Variants in EIF4E observed in about 807,000 individuals in gnomAD.
EIF4E encodes eIF-4F 25 kDa subunit.
For synonymous variants in EIF4E, 71 were observed against 88.5 expected, an observed-to-expected ratio of 0.80 and a Z score of 1.11; for missense variants, 113 against 265.6, an observed-to-expected ratio of 0.43 and a Z score of 3.99.
chr4:98,880,084 T>C lies in EIF4E; in HGVS notation c.*944A>G, dbSNP rs570420111. The C allele has an allele frequency of 1.3e-5, 2 of 152,678 alleles. No individual in the cohort carries two copies. The highest frequency in any genetic ancestry group is 1.9e-4 in the East Asian group (1 of 5,184). The allele number at this position is 152,678 out of a possible 1,614,324, so 9.5% of individuals were successfully genotyped here. Reference sequence around the variant, plus strand: ...TCTAAAAGACAATTCACTGTACACATTTTATTTACAGTTTTGTACACTGTC... The same window carrying C: ...TCTAAAAGACAATTCACTGTACACACTTTATTTACAGTTTTGTACACTGTC... On this transcript the variant is annotated 3_prime_UTR_variant, in exon 7 of 7. Transcript: ENST00000450253.
intron 2 of EIF4E, among the ~76,000 whole-genome samples, chr4:98,892,328 C>CA (rs1724178400): frequency 2.0e-5 from 1 of 50,104 alleles, no homozygotes; most frequent in South Asian, 4.3e-4. Context: ...TCTCAAAAAA[C>CA]AAAAAAACAA....
At chr4:98,881,942 G>T (rs1389595864) in intron 6 of EIF4E, among the ~76,000 whole-genome samples, 1 of 152,032 alleles carries the variant, frequency 6.6e-6, no homozygotes, top group Non-Finnish European at 1.5e-5. Context: ...TAAATATCAC[G>T]AGGTCAAAAG....
chr4:98,912,898 C>T (rs1349248124), intron 1 of EIF4E, among the ~76,000 whole-genome samples: 1 of 152,074 alleles, frequency 6.6e-6, no homozygotes, highest in Admixed American at 6.5e-5. Context: ...AACAAATGAG[C>T]AGTTACTGTT....
Position 98,881,136 on chromosome 4 carries a change from T to A in EIF4E, c.546A>T (p.Val182=), listed in dbSNP as rs1441022560. 3.1e-6 allele frequency: 5 copies of A among 1,611,332 alleles called. No individual in the cohort carries two copies. The Middle Eastern group carries it at 6.6e-4, about 213-fold the overall frequency. ...GAGGAAGTCCTAACCTTTCCTTGTA[T>A]ACCCTCCTAGAAGAAAAAAAAAAAG... The part of the protein sequence containing the change: ...NREAVTHIGR[V]YKERLGLPPK... The change falls in exon 7 of 7, where the codon GTA becomes GTT. Residue 182 remains valine, a synonymous_variant. Transcript: ENST00000450253.
intron 1 of EIF4E, among the ~76,000 whole-genome samples, chr4:98,917,959 C>T (rs1049217187): frequency 2.0e-5 from 3 of 151,994 alleles, no homozygotes; most frequent in African/African-American, 7.3e-5. Flanking sequence ...ACCTGTATTC[C>T]TAGCTACTTG....
intron 1 of EIF4E, among the ~76,000 whole-genome samples, chr4:98,905,529 T>C (rs563605168): frequency 1.3e-5 from 2 of 152,064 alleles, no homozygotes; most frequent in Admixed American, 1.3e-4. Flanking sequence ...TAGGTTGGAG[T>C]GAGACTGTTA....
At chr4:98,889,361 T>C (rs1439278791) in intron 3 of EIF4E, among the ~76,000 whole-genome samples, 1 of 152,142 alleles carries the variant, frequency 6.6e-6, no homozygotes, top group African/African-American at 2.4e-5. Context: ...GACTATAAAA[T>C]TAGCGCTACT....
chr4:98,909,184 A>G (rs1725003515), intron 1 of EIF4E, among the ~76,000 whole-genome samples: 2 of 152,230 alleles, frequency 1.3e-5, no homozygotes, highest in South Asian at 2.1e-4. Flanking sequence ...GCAACTATAT[A>G]GTGAGTTTGT....
Position 98,881,149 on chromosome 4 carries a change from G to GAA in EIF4E, c.540-9_540-8dup, listed in dbSNP as rs374891583. On this transcript the variant is annotated splice_region_variant and splice_polypyrimidine_tract_variant and intron_variant, in intron 6 of 6. Coordinates refer to ENST00000450253, the MANE Select transcript of EIF4E (RefSeq NM_001968.5). ...CCTTTCCTTGTATACCCTCCTAGAA[G>GAA]AAAAAAAAAAAGAAGAAGAAAAAAG... The GAA allele has an allele frequency of 2.9e-5, 37 of 1,262,252 alleles. No homozygotes were observed. The highest frequency in any genetic ancestry group is 9.2e-5 in the East Asian group (3 of 32,518). The allele number at this position is 1,262,252 out of a possible 1,614,324, so 78.2% of individuals were successfully genotyped here.
At chr4:98,924,981 G>C (rs28633499) in intron 1 of EIF4E, among the ~76,000 whole-genome samples, 19,333 of 152,208 alleles carry the variant, frequency 0.13, 1,374 homozygotes, top group East Asian at 0.19. Context: ...CTCTGATATA[G>C]TGGGTTCTTT....
intron 1 of EIF4E, among the ~76,000 whole-genome samples, chr4:98,913,795 A>G (rs1414001964): frequency 6.6e-6 from 1 of 152,170 alleles, no homozygotes; most frequent in Non-Finnish European, 1.5e-5. Context: ...TCAAGCTTCC[A>G]AACGTAAAAG....
At chr4:98,917,455 A>AT (rs1200324328) in intron 1 of EIF4E, among the ~76,000 whole-genome samples, 15 of 152,246 alleles carry the variant, frequency 9.9e-5, no homozygotes, top group African/African-American at 3.6e-4. Flanking sequence ...TCTAGTAGAA[A>AT]TTCTAGGAAG....
Position 98,880,998 on chromosome 4 carries a change from C to A in EIF4E, c.*30G>T. 4.4e-6 allele frequency: 7 copies of A among 1,585,952 alleles called. No homozygotes were observed. The highest frequency in any genetic ancestry group is 5.1e-6 in the Non-Finnish European group (6 of 1,167,172). ...CCAAATCTCGATTGCTTGACGCAGT[C>A]TCCTATGAGAATACTCAGAAGGTGT... is the stretch of plus-strand genomic sequence containing the variant. On this transcript the variant is annotated 3_prime_UTR_variant, in exon 7 of 7. Coordinates refer to ENST00000450253, the MANE Select transcript of EIF4E (RefSeq NM_001968.5).
At chr4:98,928,264 T>C (rs569408549) in intron 1 of EIF4E, among the ~76,000 whole-genome samples, 1 of 152,000 alleles carries the variant, frequency 6.6e-6, no homozygotes, top group South Asian at 2.1e-4. Context: ...CAGCGATCTG[T>C]AGGCCTCGCT....
intron 1 of EIF4E, among the ~76,000 whole-genome samples, chr4:98,916,212 C>T (rs539892828): frequency 2.0e-5 from 3 of 149,716 alleles, no homozygotes; most frequent in Non-Finnish European, 4.4e-5. Flanking sequence ...CTACGTACTT[C>T]CTCAAAGGAA....
chr4:98,906,941 A>C (rs1724896762), intron 1 of EIF4E, among the ~76,000 whole-genome samples: 1 of 152,188 alleles, frequency 6.6e-6, no homozygotes, highest in African/African-American at 2.4e-5. Flanking sequence ...AATGGGGATT[A>C]AATGAATTAA....
intron 1 of EIF4E, among the ~76,000 whole-genome samples, chr4:98,917,083 AACACACACACACACACACACAC>A (rs751653561): frequency 3.9e-5 from 4 of 102,928 alleles, no homozygotes; most frequent in Non-Finnish European, 5.4e-5. Context: ...ACCTTTTCTA[AACACACACACACACACACACAC>A]ACACACACAC....
intron 1 of EIF4E, among the ~76,000 whole-genome samples, chr4:98,922,997 G>A (rs13107184): frequency 0.19 from 28,877 of 151,642 alleles, 3,655 homozygotes; most frequent in Non-Finnish European, 0.28. Context: ...ACAGGCATGT[G>A]CCACCATACC....
chr4:98,916,486 TG>T, intron 1 of EIF4E, among the ~76,000 whole-genome samples: 1 of 152,104 alleles, frequency 6.6e-6, no homozygotes, highest in African/African-American at 2.4e-5. Flanking sequence ...TGAGAAGTGA[TG>T]GACATGAGTG....
Sources: gnomAD v4.1 joint callset for allele counts (sites outside exome capture counted in the v4.1 genomes callset) on GRCh38, gnomAD v4.1.1 for gene constraint, MANE v1.5 for transcripts, NCBI Gene and HGNC (gene_info 2026-07-23, HGNC 2026-07-21) for gene names.